The following PLIN3 variants were observed in gnomAD, a reference collection of about 807,000 sequenced individuals.
PLIN3 encodes the protein perilipin 3.
In PLIN3, 30 loss-of-function variants were observed where a neutral mutation model predicts 35.9. The ratio of observed to expected loss-of-function variants is 0.84; its 90% CI spans 0.62 to 1.13. The LOEUF is 1.13. Ranked by LOEUF, PLIN3 falls within the 50% of genes most tolerant of loss-of-function variation. The pLI, the probability that PLIN3 is intolerant of heterozygous loss-of-function variation, is 0.00. For missense variants in PLIN3, 603 were observed against 596.9 expected, an observed-to-expected ratio of 1.01 and a Z score of -0.11; for synonymous variants, 261 against 262.5, an observed-to-expected ratio of 0.99 and a Z score of 0.06.
intron 2 of PLIN3, 75 bp downstream of exon 2, chr19:4,861,254 G>T: frequency 7.5e-7 from 1 of 1,330,976 alleles, no homozygotes; most frequent in Non-Finnish European, 1.1e-6. Context: ...CCCTGCCAGG[G>T]CACCCTGGGG....
Position 4,839,149 on chromosome 19 carries a change from CTGCATTA to C in PLIN3, c.*36_*42del. The C allele has an allele frequency of 1.3e-6, 2 of 1,483,060 alleles. No individual in the cohort carries two copies. Among genetic ancestry groups the C allele is most frequent in the Non-Finnish European group, 1.8e-6 (2 of 1,085,018 alleles). The allele number at this position is 1,483,060 out of a possible 1,614,324, so 91.9% of individuals were successfully genotyped here. On this transcript the variant is annotated 3_prime_UTR_variant, in exon 8 of 8. Transcript: ENST00000221957. ...CCGGGTTGAGGACTCCAGAGCACAG[CTGCATTA>C]TAGAGACGGGGCCCGCTGAGTCCTC...
chr19:4,844,727 A>G lies in PLIN3; in HGVS notation c.901T>C (p.Trp301Arg), dbSNP rs1319908719. 9 of 1,606,868 alleles carry G rather than the reference A, an allele frequency of 5.6e-6. No individual in the cohort carries two copies. In the East Asian group the frequency reaches 2.0e-4, roughly 36 times the overall value. Residue 301 changes from tryptophan to arginine, a missense_variant, in exon 7 of 8, where the codon TGG becomes CGG. By Grantham distance (101) the Trp-to-Arg change is moderately radical (BLOSUM62 -3). Transcript: ENST00000221957. ...VEGQEKLHQM[W>R]LSWNQKQLQG... ...AGCTGCTTCTGGTTCCAGCTGAGCC[A>G]CATCTGGTGCAGCTTCTCCTGGCCT...
At chr19:4,858,417 G>A (rs564168276) in intron 4 of PLIN3, among the ~76,000 whole-genome samples, 12 of 151,386 alleles carry the variant, frequency 7.9e-5, no homozygotes, top group South Asian at 4.2e-4. Flanking sequence ...TCGCTCTGTC[G>A]CCCAGGCTGG....
intron 1 of PLIN3, among the ~76,000 whole-genome samples, chr19:4,861,737 G>T (rs1296724245): frequency 6.6e-6 from 1 of 151,914 alleles, no homozygotes; most frequent in Non-Finnish European, 1.5e-5. Context: ...CTGGTTTCAA[G>T]CAATTCTCCT....
chr19:4,849,027 C>T lies in PLIN3; in HGVS notation c.635-1137G>A, dbSNP rs150341169. Among the ~76,000 whole-genome samples the T allele has an allele frequency of 5.6e-3, 846 of 151,576 alleles. 11 individuals carry two copies. The highest frequency in any genetic ancestry group is 0.035 in the South Asian group (167 of 4,800). ...TTGCCCAGGCTGGAGTACAGTGGCA[C>T]GACCTCAGCTTACTGCAGGCTCAAC... On this transcript the variant is annotated intron_variant, in intron 5 of 7. Transcript: ENST00000221957.
rs773161639 is a variant in PLIN3, at chr19:4,859,859, C to A, written c.232G>T (p.Ala78Ser). 1.9e-6 allele frequency: 3 copies of A among 1,613,064 alleles called. No homozygotes were observed. The Admixed American group carries it at 5.0e-5, about 27-fold the overall frequency. Residue 78 changes from alanine (A) to serine (S), a missense_variant, in exon 3 of 8, where the codon GCT becomes TCT. Physicochemically the swap from Ala to Ser is moderately conservative, Grantham distance 99. Coordinates refer to ENST00000221957, the MANE Select transcript of PLIN3 (RefSeq NM_005817.5). ...TCCAGCTTGGAGAGGATCGGCTGAG[C>A]CCCGCTGACAGCAGCCGCCGTGAGG... ...RTLTAAAVSG[A>S]QPILSKLEPQ...
At chr19:4,851,867 T>C in intron 5 of PLIN3, 149 bp downstream of exon 5, 1 of 801,616 alleles carries the variant, frequency 1.2e-6, no homozygotes, top group Non-Finnish European at 2.0e-6. Flanking sequence ...CAGAGGGGAC[T>C]GCGTTAGTGA....
chr19:4,844,985 G>A (rs1693461348), intron 6 of PLIN3, among the ~76,000 whole-genome samples, 192 bp from the exon 7 acceptor site: 1 of 152,142 alleles, frequency 6.6e-6, no homozygotes, highest in African/African-American at 2.4e-5. Context: ...ACATACTCAG[G>A]CTCTGTGTGG....
At chr19:4,864,655 T>C (rs1461159837) in intron 1 of PLIN3, among the ~76,000 whole-genome samples, 1 of 152,064 alleles carries the variant, frequency 6.6e-6, no homozygotes, top group Admixed American at 6.6e-5. Context: ...ATAACATGCC[T>C]GCCTGCACCG....
rs1181843719 is a variant in PLIN3 at position 4,859,806 on chromosome 19, C to A, written c.265+20G>T. ...AAATGACCAGGAGGGGAATTCAGTGCCCCCTGGGACTTCACCCACTCTGGG... is the reference window on the plus strand; with the variant it reads ...AAATGACCAGGAGGGGAATTCAGTGACCCCTGGGACTTCACCCACTCTGGG... On this transcript the variant is annotated intron_variant, in intron 3 of 7. Coordinates refer to ENST00000221957, the MANE Select transcript of PLIN3 (RefSeq NM_005817.5). 7 of 1,611,926 alleles carry A rather than the reference C, an allele frequency of 4.3e-6. No homozygotes were observed. The highest frequency in any genetic ancestry group is 2.2e-5 in the East Asian group (1 of 44,872).
chr19:4,859,147 A>G (rs1206313245), intron 4 of PLIN3, among the ~76,000 whole-genome samples: 3 of 152,154 alleles, frequency 2.0e-5, no homozygotes, highest in Admixed American at 1.3e-4. Context: ...CAACTACTCA[A>G]CCTTGCCATT....
At chr19:4,853,438 G>A (rs984977923) in intron 4 of PLIN3, among the ~76,000 whole-genome samples, 1 of 151,840 alleles carries the variant, frequency 6.6e-6, no homozygotes, top group African/African-American at 2.4e-5. Flanking sequence ...TGATTCTCCT[G>A]CCTCAGCCTC....
At chr19:4,859,347 C>A (rs1489950825) in intron 4 of PLIN3, among the ~76,000 whole-genome samples, 2 of 152,074 alleles carry the variant, frequency 1.3e-5, no homozygotes, top group East Asian at 3.9e-4. Flanking sequence ...CATGGTGAAA[C>A]CCCATCTCTA....
In PLIN3 at chr19:4,839,075, G is replaced by A. The variant is rs2146191998; in HGVS notation, c.*117C>T. On this transcript the variant is annotated 3_prime_UTR_variant, in exon 8 of 8. Coordinates refer to ENST00000221957, the MANE Select transcript of PLIN3 (RefSeq NM_005817.5). ...AGAGCCTTAGCTTCCCAAGTGGACA[G>A]CACAGAAGAGCTGGGAGGAGTGGCT... 4.8e-6 allele frequency: 4 copies of A among 825,562 alleles called. No homozygotes were observed. Among genetic ancestry groups the A allele is most frequent in the Middle Eastern group, 3.6e-4 (1 of 2,788 alleles). The allele number at this position is 825,562 out of a possible 1,614,324, so 51.1% of individuals were successfully genotyped here.
intron 1 of PLIN3, among the ~76,000 whole-genome samples, chr19:4,863,844 AAAC>A (rs2030755757): frequency 6.7e-6 from 1 of 150,258 alleles, no homozygotes; most frequent in Non-Finnish European, 1.5e-5. Context: ...AAAAAAAAGA[AAAC>A]AAAACAAAAC....
At chr19:4,840,145 T>G (rs2029874676) in intron 7 of PLIN3, among the ~76,000 whole-genome samples, 1 of 151,994 alleles carries the variant, frequency 6.6e-6, no homozygotes, top group Admixed American at 6.6e-5. Flanking sequence ...CTTTTGCATT[T>G]TTAGTACAGA....
chr19:4,841,776 G>A (rs572407554), intron 7 of PLIN3, among the ~76,000 whole-genome samples: 22 of 151,328 alleles, frequency 1.5e-4, no homozygotes, highest in African/African-American at 5.1e-4. Flanking sequence ...ATGGTGGCGG[G>A]AGCCTGTAGT....
intron 4 of PLIN3, among the ~76,000 whole-genome samples, chr19:4,856,681 C>A (rs1247460547): frequency 2.6e-5 from 4 of 151,396 alleles, no homozygotes; most frequent in Admixed American, 1.3e-4. Context: ...ACCGATTAAG[C>A]CTCACACTTA....
chr19:4,849,349 C>A (rs927746561), intron 5 of PLIN3, among the ~76,000 whole-genome samples: 6 of 152,022 alleles, frequency 3.9e-5, no homozygotes, highest in African/African-American at 1.4e-4. Flanking sequence ...GCTCTGTTGC[C>A]CAGGCTGGAG....
Sources: allele counts gnomAD v4.1 joint callset (sites outside exome capture counted in the v4.1 genomes callset), GRCh38; gene constraint gnomAD v4.1.1; transcripts MANE v1.5; gene names NCBI Gene and HGNC (gene_info 2026-07-23, HGNC 2026-07-21).